Variants in MTO1 observed in about 807,000 individuals in gnomAD.
MTO1 encodes the protein 5-taurinomethyluridine-[tRNA] synthase subunit MTO1, mitochondrial.
A neutral mutation model predicts 71.6 loss-of-function variants in MTO1; 46 were observed. The observed-to-expected ratio is 0.64, with a 90% confidence interval of 0.51 to 0.82. The LOEUF (loss-of-function observed/expected upper bound fraction) is 0.82. MTO1 is among the 40% of genes least tolerant of loss of function. The probability of loss-of-function intolerance (pLI) is 0.00; values close to 1 mark genes in which losing one functional copy is unlikely to be tolerated. For synonymous variants in MTO1, 297 were observed against 312.1 expected (o/e 0.95, Z 0.51); for missense variants, 773 against 867.5 (o/e 0.89, Z 1.37).
chr6:73,484,372 G>A (rs1771595969), intron 9 of MTO1, among the ~76,000 whole-genome samples: 1 of 152,140 alleles, frequency 6.6e-6, no homozygotes, highest in Admixed American at 6.6e-5. Context: ...TTAGGTGTCT[G>A]GTGAGGGCTT....
At chr6:73,491,128 C>T (rs1433240721) in intron 9 of MTO1, among the ~76,000 whole-genome samples, 2 of 152,156 alleles carry the variant, frequency 1.3e-5, no homozygotes, top group African/African-American at 4.8e-5. Flanking sequence ...ATACATTGCT[C>T]TCCTCTCCCA....
rs1262589913 is a variant in MTO1 at position 73,462,045 on chromosome 6, T to C, written c.191T>C (p.Leu64Pro). The change falls in exon 1 of 12, where the codon CTC (leucine) becomes CCC (proline). Residue 64 changes from leucine to proline, a missense_variant. Physicochemically the swap from Leu to Pro is moderately conservative, Grantham distance 98. Transcript: ENST00000498286. The stretch of plus-strand genomic sequence containing the variant: ...GCTCGGTGCGGCTCTCGGACTCTGC[T>C]CCTCACTCACCGCGTGGACACGATC... ...AAARCGSRTLLLTHRVDTIGQ... is the reference protein window; with the variant it reads ...AAARCGSRTLPLTHRVDTIGQ... The C allele has an allele frequency of 1.2e-6, 2 of 1,613,856 alleles. No individual in the cohort carries two copies. Among genetic ancestry groups the C allele is most frequent in the Non-Finnish European group, 1.7e-6 (2 of 1,179,914 alleles).
intron 10 of MTO1, 67 bp downstream of exon 10, chr6:73,492,419 C>T: frequency 9.3e-7 from 1 of 1,074,582 alleles, no homozygotes; most frequent in Non-Finnish European, 1.4e-6. Context: ...ACAACAGATC[C>T]ATTATTACTG....
At position 73,492,265 on chromosome 6, in the gene MTO1, G is replaced by T. The variant is rs779851410; in HGVS notation, c.1669G>T (p.Asp557Tyr). 5 of 1,613,620 alleles carry T rather than the reference G, an allele frequency of 3.1e-6. No homozygotes were observed. The highest frequency in any genetic ancestry group is 2.7e-5 in the African/African-American group (2 of 74,928). Residue 557 changes from aspartate (D) to tyrosine (Y), a missense_variant, in exon 10 of 12, where the codon GAC becomes TAC. Transcript: ENST00000498286. The stretch of plus-strand genomic sequence containing the variant: ...CGATGTTCTGAAGTATGAGGAAGTT[G>T]ACATGGATTCATTAGCCAAGGCTGT... ...ALDVLKYEEV[D>Y]MDSLAKAVPE...
intron 10 of MTO1, among the ~76,000 whole-genome samples, chr6:73,493,207 G>A (rs896573487): frequency 7.9e-5 from 12 of 151,804 alleles, no homozygotes; most frequent in Non-Finnish European, 1.5e-4. Flanking sequence ...TGTTGGCCAG[G>A]CTGGTCTCGA....
At chr6:73,470,931 T>C (rs1159686521) in intron 3 of MTO1, among the ~76,000 whole-genome samples, 1 of 151,980 alleles carries the variant, frequency 6.6e-6, no homozygotes, top group Non-Finnish European at 1.5e-5. Context: ...CCAGCCTGGG[T>C]GAGAGAGCAA....
intron 11 of MTO1, 104 bp from the exon 12 acceptor site, chr6:73,500,470 A>C (rs1160005848): frequency 1.4e-5 from 12 of 880,672 alleles, no homozygotes; most frequent in Non-Finnish European, 1.9e-5. Context: ...ATAATTAAGA[A>C]AATATTGTAT....
chr6:73,480,690 A>G lies in MTO1; in HGVS notation c.1145A>G (p.Tyr382Cys), dbSNP rs1484176568. Reference protein sequence around the residue: ...KVIQPGYGVQYDYLDPRQITP... With the variant: ...KVIQPGYGVQCDYLDPRQITP... Reference sequence around the variant, plus strand: ...CTTTGGTCAGGCTACGGTGTTCAGTATGATTACTTAGATCCCCGTCAGATC... The same window carrying G: ...CTTTGGTCAGGCTACGGTGTTCAGTGTGATTACTTAGATCCCCGTCAGATC... Residue 382 changes from tyrosine (Y) to cysteine (C), a missense_variant, in exon 7 of 12, where the codon TAT (tyrosine) becomes TGT (cysteine). By Grantham distance (194) the Tyr-to-Cys change is radical (BLOSUM62 -2). Coordinates refer to ENST00000498286, the MANE Select transcript of MTO1 (RefSeq NM_012123.4). 3.7e-6 allele frequency: 6 copies of G among 1,613,966 alleles called. No individual in the cohort carries two copies. The highest frequency in any genetic ancestry group is 5.1e-6 in the Non-Finnish European group (6 of 1,179,890).
chr6:73,462,866 C>G (rs970349614), intron 1 of MTO1, among the ~76,000 whole-genome samples: 2 of 152,084 alleles, frequency 1.3e-5, no homozygotes, highest in African/African-American at 4.8e-5. Flanking sequence ...TAGGCACGAT[C>G]GTTGCACATT....
intron 9 of MTO1, among the ~76,000 whole-genome samples, chr6:73,485,914 G>A (rs1438252551): frequency 6.6e-6 from 1 of 152,028 alleles, no homozygotes; most frequent in Non-Finnish European, 1.5e-5. Context: ...ACAAATGCAT[G>A]TACATGTGCA....
chr6:73,499,630 T>C (rs1052988756), intron 11 of MTO1, among the ~76,000 whole-genome samples: 4 of 152,198 alleles, frequency 2.6e-5, no homozygotes, highest in Non-Finnish European at 4.4e-5. Flanking sequence ...GGCTACCATA[T>C]TGGACACTGC....
At chr6:73,489,814 AT>A (rs1161877123) in intron 9 of MTO1, among the ~76,000 whole-genome samples, 2 of 152,210 alleles carry the variant, frequency 1.3e-5, no homozygotes, top group Non-Finnish European at 2.9e-5. Context: ...CAGTAATGGA[AT>A]GGCTGGGTCA....
intron 1 of MTO1, among the ~76,000 whole-genome samples, chr6:73,464,930 C>T (rs1770942147): frequency 6.6e-6 from 1 of 151,804 alleles, no homozygotes; most frequent in Non-Finnish European, 1.5e-5. Context: ...TTGCCCATCC[C>T]TCCACCTCCC....
intron 3 of MTO1, among the ~76,000 whole-genome samples, chr6:73,468,550 G>T (rs146637923): frequency 1.3e-5 from 2 of 152,134 alleles, no homozygotes; most frequent in African/African-American, 4.8e-5. Flanking sequence ...CTGCATGGAA[G>T]TGTATTATGT....
At position 73,490,631 on chromosome 6, in the gene MTO1, G is replaced by A. The variant is rs553719431; in HGVS notation, c.1638-1603G>A. Among the ~76,000 whole-genome samples, 6 of 151,852 alleles carry A rather than the reference G, an allele frequency of 4.0e-5. No individual in the cohort carries two copies. In the South Asian group the frequency reaches 1.2e-3, roughly 32 times the overall value. On this transcript the variant is annotated intron_variant, in intron 9 of 11. Coordinates refer to ENST00000498286, the MANE Select transcript of MTO1 (RefSeq NM_012123.4). ...ATATGTTTGAAATCAGGAAGTATAA[G>A]GCCTCTAACCATGTTCTTTTTTCAA...
intron 9 of MTO1, among the ~76,000 whole-genome samples, chr6:73,484,108 A>C (rs1771590514): frequency 6.6e-6 from 1 of 152,048 alleles, no homozygotes; most frequent in African/African-American, 2.4e-5. Flanking sequence ...GGGTTTCCCA[A>C]AGCACTAGCA....
chr6:73,498,211 A>T (rs2150045218), intron 11 of MTO1, among the ~76,000 whole-genome samples: 1 of 148,424 alleles, frequency 6.7e-6, no homozygotes, highest in East Asian at 2.0e-4. Context: ...ACCCTGTCTC[A>T]AAAAAAAAAG....
At chr6:73,463,436 G>C (rs933863486) in intron 1 of MTO1, among the ~76,000 whole-genome samples, 1 of 152,070 alleles carries the variant, frequency 6.6e-6, no homozygotes, top group Non-Finnish European at 1.5e-5. Context: ...TGGTTGGATG[G>C]CCGTTCTGTA....
At chr6:73,489,775 C>T (rs1336027220) in intron 9 of MTO1, among the ~76,000 whole-genome samples, 3 of 152,094 alleles carry the variant, frequency 2.0e-5, no homozygotes, top group Non-Finnish European at 4.4e-5. Flanking sequence ...AATTATAAAG[C>T]ATGATTTATA....
Sources: allele counts gnomAD v4.1 joint callset (sites outside exome capture counted in the v4.1 genomes callset), GRCh38; gene constraint gnomAD v4.1.1; transcripts MANE v1.5; gene names NCBI Gene and HGNC (gene_info 2026-07-23, HGNC 2026-07-21).